Variants in B3GALT9 observed in about 807,000 individuals in gnomAD.
B3GALT9 encodes the protein beta-1,3-galactosyltransferase 9.
Position 120,793,726 on chromosome 9 carries a change from G to T in B3GALT9, c.-378G>T. The T allele has an allele frequency of 2.5e-6, 1 of 398,640 alleles. No individual in the cohort carries two copies. 24.7% of individuals were successfully genotyped at this position (398,640 alleles called of 1,614,324 possible). A position where few individuals can be genotyped will look rare whatever the true frequency, so the allele number is the denominator to read the frequency against. On this transcript the variant is annotated 5_prime_UTR_variant, in exon 1 of 3. Transcript: ENST00000689072. ...ATCCTCATTTTACGGAGGAGAGGGA[G>T]CTGTGGCTTAGAGAAGTTAAGAGAC...
Position 120,799,331 on chromosome 9 carries a change from C to T in B3GALT9, c.763C>T (p.Arg255Ter), listed in dbSNP as rs1222844790. 1.0e-5 allele frequency: 4 copies of T among 399,068 alleles called. No individual in the cohort carries two copies. Among genetic ancestry groups the T allele is most frequent in the Non-Finnish European group, 1.8e-5 (4 of 226,170 alleles). 24.7% of individuals were successfully genotyped at this position (399,068 alleles called of 1,614,324 possible). Residue 255 changes from arginine (R) to a stop codon, truncating the protein, a stop_gained, in exon 3 of 3, where the codon CGA becomes TGA. Coordinates refer to ENST00000689072, the MANE Select transcript of B3GALT9 (RefSeq NM_001386823.1). LOFTEE classifies it high-confidence loss of function. ...EAFIMSQDVA[R>*]MMYVVFKEVP... is the part of the protein sequence containing the mutation. ...CTTTATAATGTCCCAAGATGTGGCT[C>T]GAATGATGTATGTGGTTTTCAAAGA...
chr9:120,794,040 A>C (rs1424940744), intron 1 of B3GALT9, 118 bp downstream of exon 1: 1 of 168,388 alleles, frequency 5.9e-6, no homozygotes, highest in Non-Finnish European at 1.3e-5. Flanking sequence ...CTTCATCTGC[A>C]TAGCAATTAT....
intron 1 of B3GALT9, among the ~76,000 whole-genome samples, chr9:120,795,627 TAAG>T (rs1413429616): frequency 6.6e-6 from 1 of 152,192 alleles, no homozygotes; most frequent in African/African-American, 2.4e-5. Flanking sequence ...ACTTTAAATA[TAAG>T]AAGTTATTCC....
chr9:120,795,450 T>G (rs1226570786), intron 1 of B3GALT9, among the ~76,000 whole-genome samples: 1 of 152,192 alleles, frequency 6.6e-6, no homozygotes, highest in African/African-American at 2.4e-5. Context: ...ATAAAAAAAT[T>G]TTTAAATTGC....
In B3GALT9 at chr9:120,798,649, T is replaced by C. The variant is rs1341694035; in HGVS notation, c.81T>C (p.Leu27=). 1.5e-5 allele frequency: 6 copies of C among 399,416 alleles called. No individual in the cohort carries two copies. The Admixed American group carries it at 1.8e-4, about 12-fold the overall frequency. 24.7% of individuals were successfully genotyped at this position (399,416 alleles called of 1,614,324 possible). Residue 27 remains leucine (L), a synonymous_variant, in exon 3 of 3, where the codon CTT becomes CTC. Coordinates refer to ENST00000689072, the MANE Select transcript of B3GALT9 (RefSeq NM_001386823.1). ...ATGTCATCCTATTTCATGCCTTGCTTTTTGGGACTGACTTTGTGGAGGAAT... is the reference window on the plus strand; with the variant it reads ...ATGTCATCCTATTTCATGCCTTGCTCTTTGGGACTGACTTTGTGGAGGAAT... The part of the protein sequence containing the change: ...LFNVILFHAL[L]FGTDFVEEYF...
At chr9:120,797,214 C>T (rs7873274) in intron 2 of B3GALT9, among the ~76,000 whole-genome samples, 138,029 of 152,068 alleles carry the variant, frequency 0.91, 62,677 homozygotes, top group South Asian at 0.97. Context: ...TGGTTAAGAG[C>T]GAGCTTTGGG....
At position 120,793,521 on chromosome 9, in the gene B3GALT9, G is replaced by C; in HGVS notation, c.-583G>C. Reference sequence around the variant, plus strand: ...GGTGGGAGGCTGGAGGCCGGGAGTAGGGGTGGGGAGAAGAGCGTCCCGGGA... The same window carrying C: ...GGTGGGAGGCTGGAGGCCGGGAGTACGGGTGGGGAGAAGAGCGTCCCGGGA... On this transcript the variant is annotated 5_prime_UTR_variant, in exon 1 of 3. Coordinates refer to ENST00000689072, the MANE Select transcript of B3GALT9 (RefSeq NM_001386823.1). 2 of 400,332 alleles carry C rather than the reference G, an allele frequency of 5.0e-6. No homozygotes were observed. Among genetic ancestry groups the C allele is most frequent in the Non-Finnish European group, 8.8e-6 (2 of 227,326 alleles). 24.8% of individuals were successfully genotyped at this position (400,332 alleles called of 1,614,324 possible).
At position 120,797,672 on chromosome 9, in the gene B3GALT9, A is replaced by G. The variant is rs1232371669; in HGVS notation, c.7-903A>G. 2.0e-5 allele frequency among the ~76,000 whole-genome samples: 3 copies of G among 152,234 alleles called. No homozygotes were observed. In the East Asian group the frequency reaches 5.8e-4, roughly 29 times the overall value. ...TAACATATCTGAAAGGGATATTACC[A>G]GGGCTAAATGAATTAAGACACATAA... On this transcript the variant is annotated intron_variant, in intron 2 of 2. Coordinates refer to ENST00000689072, the MANE Select transcript of B3GALT9 (RefSeq NM_001386823.1).
At chr9:120,795,222 C>G (rs767273517) in intron 1 of B3GALT9, among the ~76,000 whole-genome samples, 9 of 152,162 alleles carry the variant, frequency 5.9e-5, no homozygotes, top group Non-Finnish European at 1.0e-4. Flanking sequence ...ATTGGATACT[C>G]TCTATGAAAG....
rs976420156 is a variant in B3GALT9 at position 120,793,589 on chromosome 9, G to C, written c.-515G>C. ...GCGGCCCTCACGGTGCTTAGGCTGG[G>C]TGCAACCTAGAACGGAGGTTCCTTT... On this transcript the variant is annotated 5_prime_UTR_variant, in exon 1 of 3. Coordinates refer to ENST00000689072, the MANE Select transcript of B3GALT9 (RefSeq NM_001386823.1). 2.5e-6 allele frequency: 1 copy of C among 399,508 alleles called. No homozygotes were observed. Among genetic ancestry groups the C allele is most frequent in the Non-Finnish European group, 4.4e-6 (1 of 226,634 alleles). The allele number at this position is 399,508 out of a possible 1,614,324, so 24.7% of individuals were successfully genotyped here.
Position 120,793,472 on chromosome 9 carries a change from T to G in B3GALT9, c.-632T>G. On this transcript the variant is annotated 5_prime_UTR_variant, in exon 1 of 3. Transcript: ENST00000689072. ...GGCTCCCGGCGGAAGCGGCTGCACT[T>G]CCGGTCCCCGCCCGGAGGTGGGTGG... The G allele has an allele frequency of 2.5e-6, 1 of 398,688 alleles. No individual in the cohort carries two copies. Among genetic ancestry groups the G allele is most frequent in the Non-Finnish European group, 4.4e-6 (1 of 226,520 alleles). 24.7% of individuals were successfully genotyped at this position (398,688 alleles called of 1,614,324 possible).
At position 120,799,205 on chromosome 9, in the gene B3GALT9, C is replaced by A. The variant is rs550782969; in HGVS notation, c.637C>A (p.Leu213Ile). Residue 213 changes from leucine to isoleucine, a missense_variant, in exon 3 of 3, where the codon CTT becomes ATT. Transcript: ENST00000689072. ...AGAAGATATCTATGTAGGAAGAGTT[C>A]TTCATCAGGTTACACCCAATAGAGA... is the stretch of plus-strand genomic sequence containing the variant. The part of the protein sequence containing the change: ...HLEDIYVGRV[L>I]HQVTPNRDPQ... 4.3e-4 allele frequency: 170 copies of A among 398,910 alleles called. 1 individual carries two copies. The highest frequency in any genetic ancestry group is 6.6e-4 in the Non-Finnish European group (150 of 226,090). The allele number at this position is 398,910 out of a possible 1,614,324, so 24.7% of individuals were successfully genotyped here.
In B3GALT9 at chr9:120,798,838, C is replaced by G. The variant is rs2044954232; in HGVS notation, c.270C>G (p.Ile90Met). ...AGAACATTTTTTTGCTGTCTCTTAT[C>G]TTCAGTAGCCCAGGAAATGGAACAA... is the stretch of plus-strand genomic sequence containing the variant. Reference protein sequence around the residue: ...KGKNIFLLSLIFSSPGNGTRR... With the variant: ...KGKNIFLLSLMFSSPGNGTRR... Residue 90 changes from isoleucine (I) to methionine (M), a missense_variant, in exon 3 of 3, where the codon ATC becomes ATG. Coordinates refer to ENST00000689072, the MANE Select transcript of B3GALT9 (RefSeq NM_001386823.1). 2.5e-6 allele frequency: 1 copy of G among 399,022 alleles called. No homozygotes were observed. Among genetic ancestry groups the G allele is most frequent in the Admixed American group, 4.4e-5 (1 of 22,698 alleles). 24.7% of individuals were successfully genotyped at this position (399,022 alleles called of 1,614,324 possible).
At chr9:120,795,295 T>G (rs112121122) in intron 1 of B3GALT9, among the ~76,000 whole-genome samples, 1,540 of 151,242 alleles carry the variant, frequency 0.01, 35 homozygotes, top group African/African-American at 0.035. Context: ...GCAAACATTC[T>G]CAACCCCAGT....
At chr9:120,795,128 A>T (rs2044929239) in intron 1 of B3GALT9, among the ~76,000 whole-genome samples, 2 of 152,236 alleles carry the variant, frequency 1.3e-5, no homozygotes, top group African/African-American at 4.8e-5. Context: ...TGATTTGCTA[A>T]GCAACAGGAT....
At position 120,800,600 on chromosome 9, in the gene B3GALT9, A is replaced by T. The variant is rs1296510932; in HGVS notation, c.*922A>T. Among the ~76,000 whole-genome samples the T allele has an allele frequency of 6.6e-6, 1 of 151,422 alleles. No individual in the cohort carries two copies. The highest frequency in any genetic ancestry group is 2.4e-5 in the African/African-American group (1 of 41,216). ...TCATTATAACTAAGTTTTTTTTTTT[A>T]TAAACTGACTAGTAAAAATTATGTA... is the stretch of plus-strand genomic sequence containing the variant. On this transcript the variant is annotated 3_prime_UTR_variant, in exon 3 of 3. Transcript: ENST00000689072.
rs747150280 is a variant in B3GALT9, at chr9:120,798,430, TG to T, written c.7-143del. On this transcript the variant is annotated intron_variant, in intron 2 of 2. Transcript: ENST00000689072. The stretch of plus-strand genomic sequence containing the variant: ...TGCTGTCCAGGAGACCATAATCTAG[TG>T]GAAGAAATAGATAATATATCACAAT... 1.6e-3 allele frequency: 619 copies of T among 396,874 alleles called. 15 individuals are homozygous for T. The highest frequency in any genetic ancestry group is 2.7e-4 in the Non-Finnish European group (61 of 225,172). 24.6% of individuals were successfully genotyped at this position (396,874 alleles called of 1,614,324 possible). A position where few individuals can be genotyped will look rare whatever the true frequency, so the allele number is the denominator to read the frequency against.
Position 120,799,857 on chromosome 9 carries a change from A to C in B3GALT9, c.*179A>C. 1 of 391,068 alleles carries C rather than the reference A, an allele frequency of 2.6e-6. No homozygotes were observed. Among genetic ancestry groups the C allele is most frequent in the Non-Finnish European group, 4.5e-6 (1 of 222,188 alleles). The allele number at this position is 391,068 out of a possible 1,614,324, so 24.2% of individuals were successfully genotyped here. ...TCAATTACTGAGATCTCAAATTTTT[A>C]AAAAATTTAAGTTGGTGTAGCATAA... is the stretch of plus-strand genomic sequence containing the variant. On this transcript the variant is annotated 3_prime_UTR_variant, in exon 3 of 3. Coordinates refer to ENST00000689072, the MANE Select transcript of B3GALT9 (RefSeq NM_001386823.1).
intron 1 of B3GALT9, 119 bp from the exon 2 acceptor site, chr9:120,796,304 A>C (rs1328818812): frequency 6.6e-6 from 1 of 152,250 alleles, no homozygotes; most frequent in Non-Finnish European, 1.5e-5. Context: ...GCATAAAGAC[A>C]TGGGGTCAGT....
Sources: gnomAD v4.1 joint callset for allele counts (sites outside exome capture counted in the v4.1 genomes callset) on GRCh38, gnomAD v4.1.1 for gene constraint, MANE v1.5 for transcripts, NCBI Gene and HGNC (gene_info 2026-07-23, HGNC 2026-07-21) for gene names.